ASPH: variants seen among roughly 807,000 people sequenced by gnomAD.
The protein encoded by ASPH is aspartate beta-hydroxylase, also known as aspartyl/asparaginyl beta-hydroxylase.
A neutral mutation model predicts 118.4 loss-of-function variants in ASPH; 100 were observed. The observed-to-expected ratio is 0.84, with a 90% CI of 0.72 to 1.00. ASPH has a LOEUF of 1.00. ASPH is among the 50% of genes least tolerant of loss of function. The probability of loss-of-function intolerance (pLI) is 0.00; values close to 1 mark genes in which losing one functional copy is unlikely to be tolerated. For synonymous variants in ASPH, 315 were observed against 325.6 expected (o/e 0.97, Z 0.35); for missense variants, 920 against 919.5 (o/e 1.00, Z -0.01).
intron 3 of ASPH, among the ~76,000 whole-genome samples, chr8:61,676,604 T>C (rs1412136895): frequency 6.6e-6 from 1 of 152,054 alleles, no homozygotes; most frequent in Non-Finnish European, 1.5e-5. Flanking sequence ...GACAAAATTT[T>C]ATCATCAAAA....
chr8:61,713,020 G>A (rs1174687047), intron 1 of ASPH, among the ~76,000 whole-genome samples: 1 of 152,202 alleles, frequency 6.6e-6, no homozygotes, highest in Non-Finnish European at 1.5e-5. Context: ...CTATCCCTCT[G>A]CAGGTTTAAG....
At chr8:61,565,154 A>G (rs1035208154) in intron 17 of ASPH, among the ~76,000 whole-genome samples, 2 of 152,224 alleles carry the variant, frequency 1.3e-5, no homozygotes, top group African/African-American at 4.8e-5. Context: ...CTCAAATGAT[A>G]GTCTTTAGAT....
chr8:61,643,499 A>G lies in ASPH; in HGVS notation c.710-66T>C, dbSNP rs1223432115. Reference sequence around the variant, plus strand: ...CAAACACATTGCCAGACAGCATTCTAGGAGATTCATAAATTAATTATCTTC... The same window carrying G: ...CAAACACATTGCCAGACAGCATTCTGGGAGATTCATAAATTAATTATCTTC... On this transcript the variant is annotated intron_variant, in intron 8 of 24. Coordinates refer to ENST00000379454, the MANE Select transcript of ASPH (RefSeq NM_004318.4). 6 of 1,435,682 alleles carry G rather than the reference A, an allele frequency of 4.2e-6. No individual in the cohort carries two copies. In the African/African-American group the frequency reaches 8.5e-5, roughly 20 times the overall value. 88.9% of individuals were successfully genotyped at this position (1,435,682 alleles called of 1,614,324 possible). A position where few individuals can be genotyped will look rare whatever the true frequency, so the allele number is the denominator to read the frequency against.
intron 15 of ASPH, chr8:61,583,026 T>C (rs763944662): frequency 5.3e-5 from 8 of 152,276 alleles, no homozygotes; most frequent in Non-Finnish European, 1.0e-4. Flanking sequence ...GTTCTCAAAA[T>C]TGTAATATCT....
At chr8:61,617,947 AAAAG>A (rs1180435712) in intron 14 of ASPH, among the ~76,000 whole-genome samples, 16 of 150,768 alleles carry the variant, frequency 1.1e-4, no homozygotes, top group African/African-American at 2.0e-4. Context: ...AAAAAAAAAA[AAAAG>A]AAAGAAAGAA....
intron 3 of ASPH, chr8:61,657,657 G>A (rs551763055): frequency 6.6e-6 from 1 of 152,266 alleles, no homozygotes; most frequent in Non-Finnish European, 1.5e-5. Context: ...TTGGCACCAA[G>A]GAAAAGAAAG....
chr8:61,526,165 C>T lies in ASPH; in HGVS notation c.1765-53G>A, dbSNP rs1039784275. On this transcript the variant is annotated intron_variant, in intron 21 of 24. Coordinates refer to ENST00000379454, the MANE Select transcript of ASPH (RefSeq NM_004318.4). ...ACTGAAAAAGGGCCTGGTGGAGCAC[C>T]TCATAATGACTCTTGTTTTTTTTGA... 1.6e-5 allele frequency: 25 copies of T among 1,595,608 alleles called. 1 individual carries two copies. The highest frequency in any genetic ancestry group is 3.4e-6 in the Non-Finnish European group (4 of 1,173,110).
chr8:61,608,692 T>C (rs1190359410), intron 14 of ASPH, among the ~76,000 whole-genome samples: 1 of 152,184 alleles, frequency 6.6e-6, no homozygotes, highest in Non-Finnish European at 1.5e-5. Flanking sequence ...ACTGACTAGG[T>C]CAGCAGCGTA....
intron 3 of ASPH, chr8:61,676,055 C>T (rs1233923871): frequency 1.3e-6 from 2 of 1,598,714 alleles, no homozygotes; most frequent in Non-Finnish European, 1.7e-6. Flanking sequence ...TAGCCAATGA[C>T]TTCAGTCCCT....
intron 2 of ASPH, chr8:61,683,548 C>G (rs547699050): frequency 6.6e-6 from 1 of 152,458 alleles, no homozygotes; most frequent in Non-Finnish European, 1.5e-5. Context: ...CTCAGCACAC[C>G]CATCCAGTAC....
intron 24 of ASPH, among the ~76,000 whole-genome samples, chr8:61,504,856 T>C (rs1805813259): frequency 6.6e-6 from 1 of 152,232 alleles, no homozygotes; most frequent in Non-Finnish European, 1.5e-5. Context: ...TTCCAAGTTA[T>C]GTAAACTAAC....
intron 24 of ASPH, among the ~76,000 whole-genome samples, chr8:61,511,207 T>C (rs1808696167): frequency 6.6e-6 from 1 of 152,208 alleles, no homozygotes; most frequent in Non-Finnish European, 1.5e-5. Context: ...ACTTGAGGTC[T>C]ATGGAGGAAG....
chr8:61,668,439 TA>T (rs1483265164), intron 3 of ASPH, among the ~76,000 whole-genome samples: 2 of 152,204 alleles, frequency 1.3e-5, no homozygotes, highest in Non-Finnish European at 2.9e-5. Context: ...TTTGTCACTT[TA>T]AAGCTTTCCT....
rs1830449104 is a variant in ASPH at position 61,562,775 on chromosome 8, T to G, written c.1406A>C (p.Asp469Ala). The G allele has an allele frequency of 6.2e-7, 1 of 1,609,886 alleles. No homozygotes were observed. Among genetic ancestry groups the G allele is most frequent in the Non-Finnish European group, 8.5e-7 (1 of 1,178,578 alleles). ...DLGVGYLLIGDNDNAKKVYEE... is the reference protein window; with the variant it reads ...DLGVGYLLIGANDNAKKVYEE... The stretch of plus-strand genomic sequence containing the variant: ...ATAAACTTTCTTTGCATTGTCATTA[T>G]CTCCTATCAAGAGGTATCCCACGCC... The change falls in exon 18 of 25, where the codon GAT becomes GCT. Residue 469 changes from aspartate (D) to alanine (A), a missense_variant. By Grantham distance (126) the Asp-to-Ala change is moderately radical. Transcript: ENST00000379454.
intron 3 of ASPH, among the ~76,000 whole-genome samples, chr8:61,673,277 T>C (rs910456678): frequency 2.0e-5 from 3 of 152,068 alleles, no homozygotes; most frequent in Middle Eastern, 6.8e-3. Context: ...CTGGGTAAAA[T>C]TGGCACCCAG....
chr8:61,632,205 T>G (rs192313206), intron 13 of ASPH, among the ~76,000 whole-genome samples: 182 of 152,318 alleles, frequency 1.2e-3, no homozygotes, highest in African/African-American at 4.1e-3. Context: ...AAACTTGGTG[T>G]TTCATATTTA....
chr8:61,671,464 T>C (rs553124814), intron 3 of ASPH, among the ~76,000 whole-genome samples: 1 of 152,332 alleles, frequency 6.6e-6, no homozygotes, highest in East Asian at 1.9e-4. Context: ...GGAAACATCT[T>C]GGTATTTCTT....
chr8:61,687,987 G>A (rs910621939), intron 1 of ASPH, among the ~76,000 whole-genome samples: 8 of 151,978 alleles, frequency 5.3e-5, no homozygotes, highest in African/African-American at 1.9e-4. Flanking sequence ...AGTTTTTATC[G>A]ACAGCAAACA....
Position 61,503,524 on chromosome 8 carries a change from C to T in ASPH, c.2127-15G>A. On this transcript the variant is annotated splice_polypyrimidine_tract_variant and intron_variant, in intron 24 of 24. Transcript: ENST00000379454. Reference sequence around the variant, plus strand: ...CCTCCCAGGTCCTGCAGCAGAAAGACAAGGATTCCTGAATATAGTTTTGTG... The same window carrying T: ...CCTCCCAGGTCCTGCAGCAGAAAGATAAGGATTCCTGAATATAGTTTTGTG... The T allele has an allele frequency of 6.2e-7, 1 of 1,604,618 alleles. No individual in the cohort carries two copies. The highest frequency in any genetic ancestry group is 8.5e-7 in the Non-Finnish European group (1 of 1,174,616).
Sources: gnomAD v4.1 joint callset for allele counts (sites outside exome capture counted in the v4.1 genomes callset) on GRCh38, gnomAD v4.1.1 for gene constraint, MANE v1.5 for transcripts, NCBI Gene and HGNC (gene_info 2026-07-23, HGNC 2026-07-21) for gene names.